DCC: variants seen among roughly 807,000 people sequenced by gnomAD.
DCC encodes DCC netrin 1 receptor, also known as netrin receptor DCC.
A neutral mutation model predicts 172.5 loss-of-function variants in DCC; 58 were observed. That is an observed-to-expected ratio of 0.34 (90% CI 0.27 to 0.42). The LOEUF (loss-of-function observed/expected upper bound fraction) is 0.42, where lower values mean the gene tolerates loss of function less well. DCC is among the 10% of genes least tolerant of loss of function. The pLI is 1.00. For missense variants in DCC, 1,740 were observed against 1,791.0 expected (o/e 0.97, Z 0.51); for synonymous variants, 709 against 644.5 (o/e 1.10, Z -1.52).
chr18:53,382,411 G>A (rs2144985026), intron 15 of DCC, among the ~76,000 whole-genome samples: 1 of 152,030 alleles, frequency 6.6e-6, no homozygotes, highest in Non-Finnish European at 1.5e-5. Flanking sequence ...TCACTGAAAT[G>A]TTTTCTTCCT....
chr18:52,670,482 A>G (rs1450381064), intron 1 of DCC, among the ~76,000 whole-genome samples: 2 of 152,212 alleles, frequency 1.3e-5, no homozygotes, highest in Non-Finnish European at 2.9e-5. Flanking sequence ...TTAAATGTCC[A>G]TTGTTAGGTC....
chr18:52,415,897 T>C (rs1198641773), intron 1 of DCC, among the ~76,000 whole-genome samples: 5 of 152,328 alleles, frequency 3.3e-5, no homozygotes, highest in Admixed American at 3.3e-4. Context: ...ATTTTAGTTA[T>C]TTCTTGCCGT....
intron 2 of DCC, among the ~76,000 whole-genome samples, chr18:52,894,517 C>T (rs1367773642): frequency 1.3e-5 from 2 of 150,840 alleles, no homozygotes; most frequent in Admixed American, 1.3e-4. Flanking sequence ...TAGGATCTAT[C>T]CATCTATTTA....
intron 9 of DCC, among the ~76,000 whole-genome samples, chr18:53,179,668 T>C (rs1033364654): frequency 3.3e-5 from 5 of 152,230 alleles, no homozygotes; most frequent in African/African-American, 4.8e-5. Context: ...TGTTTTTTTT[T>C]CACAAAGTAG....
chr18:53,398,929 G>T (rs1472665712), intron 18 of DCC, among the ~76,000 whole-genome samples: 1 of 152,136 alleles, frequency 6.6e-6, no homozygotes, highest in East Asian at 1.9e-4. Flanking sequence ...ATAACTGTGA[G>T]AAGGAAATTC....
intron 7 of DCC, among the ~76,000 whole-genome samples, chr18:53,069,528 A>G (rs1407507836): frequency 1.3e-5 from 2 of 152,050 alleles, no homozygotes; most frequent in African/African-American, 2.4e-5. Context: ...CAGGTCAGCC[A>G]GAGAGTGCTT....
chr18:52,846,654 T>TACAC (rs1293504974), intron 2 of DCC, among the ~76,000 whole-genome samples: 2 of 80,926 alleles, frequency 2.5e-5, no homozygotes, highest in Non-Finnish European at 6.1e-5. Context: ...CACACACACT[T>TACAC]GGGGATACTT....
At chr18:52,665,766 G>A (rs2035450362) in intron 1 of DCC, among the ~76,000 whole-genome samples, 1 of 152,206 alleles carries the variant, frequency 6.6e-6, no homozygotes, top group Non-Finnish European at 1.5e-5. Flanking sequence ...ATCAATAGCT[G>A]TGAACAGTAA....
intron 2 of DCC, among the ~76,000 whole-genome samples, chr18:52,815,158 T>A (rs984758003): frequency 6.6e-6 from 1 of 152,114 alleles, no homozygotes; most frequent in African/African-American, 2.4e-5. Flanking sequence ...TTAATAATTT[T>A]GGTGAAATAT....
intron 2 of DCC, among the ~76,000 whole-genome samples, chr18:52,879,551 G>A (rs2039453627): frequency 6.8e-6 from 1 of 146,504 alleles, no homozygotes; most frequent in Non-Finnish European, 1.5e-5. Context: ...AGCCTCCTCA[G>A]AGCTGGTAGA....
intron 12 of DCC, among the ~76,000 whole-genome samples, chr18:53,259,620 C>T (rs1015436867): frequency 2.2e-4 from 34 of 152,144 alleles, no homozygotes; most frequent in Admixed American, 8.5e-4. Flanking sequence ...GTAACCTGAC[C>T]TTTCTCTGTG....
intron 5 of DCC, among the ~76,000 whole-genome samples, chr18:52,935,949 T>C (rs1471020675): frequency 1.3e-5 from 2 of 152,092 alleles, no homozygotes; most frequent in African/African-American, 4.8e-5. Flanking sequence ...TCCTCAGTCA[T>C]ATACATTTAA....
chr18:52,793,676 G>A (rs906975697), intron 2 of DCC, among the ~76,000 whole-genome samples: 1 of 152,036 alleles, frequency 6.6e-6, no homozygotes, highest in Non-Finnish European at 1.5e-5. Context: ...TGGTTTTGTT[G>A]CCTGTATTAT....
intron 5 of DCC, among the ~76,000 whole-genome samples, chr18:53,004,684 TTTTGTTTG>T (rs143161043): frequency 0.021 from 3,238 of 151,564 alleles, 57 homozygotes; most frequent in Admixed American, 0.039. Context: ...CAAGATCTGT[TTTTGTTTG>T]TTTGTTTGTT....
intron 5 of DCC, among the ~76,000 whole-genome samples, chr18:53,000,798 G>A (rs960746270): frequency 2.0e-5 from 3 of 151,452 alleles, no homozygotes; most frequent in Admixed American, 1.3e-4. Context: ...TTTTCAAGGT[G>A]GTAGTTAAGC....
chr18:53,339,900 G>A lies in DCC; in HGVS notation c.2352G>A (p.Glu784=), dbSNP rs1456900997. ...GCAAGCAGCGATATTATTCCATTGA[G>A]AGGTTAGGTGAGTATCTGTGATTTT... ...VDSKQRYYSI[E]RLESSSHYVI... is the part of the protein sequence containing the mutation. Residue 784 remains glutamate, a synonymous_variant, in exon 15 of 29, where the codon GAG becomes GAA. Transcript: ENST00000442544. 2 of 1,612,668 alleles carry A rather than the reference G, an allele frequency of 1.2e-6. No individual in the cohort carries two copies.
At chr18:52,749,315 G>C (rs1156321356) in intron 1 of DCC, among the ~76,000 whole-genome samples, 1 of 152,192 alleles carries the variant, frequency 6.6e-6, no homozygotes, top group African/African-American at 2.4e-5. Flanking sequence ...CAGTTTTCAG[G>C]CTTTAGGCTT....
At chr18:53,187,504 A>T (rs928338173) in intron 9 of DCC, among the ~76,000 whole-genome samples, 1 of 152,142 alleles carries the variant, frequency 6.6e-6, no homozygotes, top group East Asian at 1.9e-4. Flanking sequence ...ATATAATTTG[A>T]TGCACAAACC....
chr18:52,927,108 C>CGTGTATACGTGT (rs1555682816), intron 5 of DCC, among the ~76,000 whole-genome samples: 8 of 104,882 alleles, frequency 7.6e-5, no homozygotes, highest in South Asian at 3.3e-4. Flanking sequence ...TGTATATACA[C>CGTGTATACGTGT]GTATATACGT....
Sources: gnomAD v4.1 joint callset for allele counts (sites outside exome capture counted in the v4.1 genomes callset) on GRCh38, gnomAD v4.1.1 for gene constraint, MANE v1.5 for transcripts, NCBI Gene and HGNC (gene_info 2026-07-23, HGNC 2026-07-21) for gene names.